CLMP: variants seen among roughly 807,000 people sequenced by gnomAD.
The protein encoded by CLMP is CXADR-like membrane protein.
CLMP carries 27 observed loss-of-function variants against 45.2 expected under a neutral mutation model. The observed-to-expected ratio is 0.60, with a 90% CI of 0.44 to 0.82. The LOEUF (loss-of-function observed/expected upper bound fraction) is 0.82. Among genes scored for constraint, CLMP ranks in the 40% least tolerant of loss-of-function variants. The pLI, the probability that CLMP is intolerant of heterozygous loss-of-function variation, is 0.00. For synonymous variants in CLMP, 167 were observed against 171.4 expected (o/e 0.97, Z 0.20); for missense variants, 403 against 448.4 (o/e 0.90, Z 0.91).
At chr11:123,150,439 GAAA>G (rs1861300008) in intron 1 of CLMP, among the ~76,000 whole-genome samples, 2 of 64,792 alleles carry the variant, frequency 3.1e-5, no homozygotes, top group African/African-American at 1.3e-4. Context: ...AAGAAAGAAA[GAAA>G]GAAAGAAAGA....
chr11:123,128,021 ATGAGACTC>A (rs1339412825), intron 1 of CLMP, among the ~76,000 whole-genome samples: 13 of 144,666 alleles, frequency 9.0e-5, no homozygotes, highest in Non-Finnish European at 2.0e-4. Flanking sequence ...TGGTGACAGA[ATGAGACTC>A]TGTCTCAAAA....
At chr11:123,118,256 A>G (rs1860743057) in intron 1 of CLMP, among the ~76,000 whole-genome samples, 1 of 152,044 alleles carries the variant, frequency 6.6e-6, no homozygotes, top group Non-Finnish European at 1.5e-5. Context: ...CAGCCTCCCA[A>G]GTAGCTGGGA....
chr11:123,091,249 C>T (rs941173434), intron 2 of CLMP, among the ~76,000 whole-genome samples: 1 of 152,112 alleles, frequency 6.6e-6, no homozygotes, highest in Non-Finnish European at 1.5e-5. Context: ...GGACCACAGG[C>T]GCATGCCACC....
In CLMP at chr11:123,185,547, G is replaced by A. The variant is rs766765956; in HGVS notation, c.28+9366C>T. Among the ~76,000 whole-genome samples, 6 of 152,210 alleles carry A rather than the reference G, an allele frequency of 3.9e-5. No homozygotes were observed. The East Asian group carries it at 5.8e-4, about 15-fold the overall frequency. Reference sequence around the variant, plus strand: ...AAGGAGGCTGCGGAGAGGTGGCCTCGTTTCCGGCCTCCCCTCCCTGGGGAT... The same window carrying A: ...AAGGAGGCTGCGGAGAGGTGGCCTCATTTCCGGCCTCCCCTCCCTGGGGAT... On this transcript the variant is annotated intron_variant, in intron 1 of 6. Coordinates refer to ENST00000448775, the MANE Select transcript of CLMP (RefSeq NM_024769.5).
Position 123,073,557 on chromosome 11 carries a change from T to G in CLMP, c.1039A>C (p.Lys347Gln). 6.2e-7 allele frequency: 1 copy of G among 1,614,226 alleles called. No homozygotes were observed. The highest frequency in any genetic ancestry group is 8.5e-7 in the Non-Finnish European group (1 of 1,180,034). Reference protein sequence around the residue: ...GPEVRGSEPKKVHHANLTKAE... With the variant: ...GPEVRGSEPKQVHHANLTKAE... ...TTGGTCAGATTAGCATGGTGGACTT[T>G]CTTTGGTTCAGAACCTCTCACCTCT... The change falls in exon 7 of 7, where the codon AAA becomes CAA. Residue 347 changes from lysine to glutamine, a missense_variant. Lys to Gln is a moderately conservative substitution (Grantham distance 53). Transcript: ENST00000448775.
Position 123,170,423 on chromosome 11 carries a change from G to A in CLMP, c.28+24490C>T, listed in dbSNP as rs192520921. On this transcript the variant is annotated intron_variant, in intron 1 of 6. Transcript: ENST00000448775. ...CCTCCTTTTGGCTAACTTAAGTGTTGTGTTGCACATGAAACCTGCTTTTTT... is the reference window on the plus strand; with the variant it reads ...CCTCCTTTTGGCTAACTTAAGTGTTATGTTGCACATGAAACCTGCTTTTTT... 5.4e-5 allele frequency among the ~76,000 whole-genome samples: 8 copies of A among 149,056 alleles called. No individual in the cohort carries two copies. In the East Asian group the frequency reaches 1.6e-3, roughly 30 times the overall value.
intron 1 of CLMP, among the ~76,000 whole-genome samples, chr11:123,153,442 G>A (rs1474617014): frequency 1.3e-5 from 2 of 152,196 alleles, no homozygotes; most frequent in African/African-American, 4.8e-5. Context: ...TTTGGCCCAA[G>A]TATGGAAAAG....
At chr11:123,151,568 C>T (rs1039089767) in intron 1 of CLMP, among the ~76,000 whole-genome samples, 20 of 152,150 alleles carry the variant, frequency 1.3e-4, no homozygotes, top group Non-Finnish European at 1.0e-4. Flanking sequence ...ACTTTTCCAG[C>T]GGAGGAACTC....
At chr11:123,177,950 C>A (rs1861720081) in intron 1 of CLMP, among the ~76,000 whole-genome samples, 2 of 152,152 alleles carry the variant, frequency 1.3e-5, no homozygotes, top group South Asian at 2.1e-4. Context: ...GCAACCTCCG[C>A]CTCCCGGGTT....
At chr11:123,143,812 A>ATTTT (rs60758870) in intron 1 of CLMP, among the ~76,000 whole-genome samples, 2 of 146,054 alleles carry the variant, frequency 1.4e-5, no homozygotes, top group African/African-American at 5.1e-5. Flanking sequence ...GTCTTGTGAG[A>ATTTT]TTTTTTTTTT....
chr11:123,141,828 G>A (rs1861163263), intron 1 of CLMP, among the ~76,000 whole-genome samples: 2 of 151,696 alleles, frequency 1.3e-5, no homozygotes, highest in East Asian at 1.9e-4. Context: ...TGCATATCTC[G>A]CCCCCCAAAA....
At chr11:123,118,999 T>TTC (rs1248549147) in intron 1 of CLMP, among the ~76,000 whole-genome samples, 6 of 14,150 alleles carry the variant, frequency 4.2e-4, no homozygotes, top group Admixed American at 9.6e-4. Context: ...CTTTCTTTCT[T>TTC]TCTCTCTCTC....
intron 1 of CLMP, among the ~76,000 whole-genome samples, chr11:123,149,819 C>CTTT (rs771164352): frequency 1.4e-5 from 2 of 145,712 alleles, no homozygotes; most frequent in African/African-American, 5.1e-5. Flanking sequence ...TTCTTTCTCT[C>CTTT]TTTTTTTTTT....
At chr11:123,108,981 C>T (rs886072977) in intron 1 of CLMP, among the ~76,000 whole-genome samples, 22 of 151,338 alleles carry the variant, frequency 1.5e-4, no homozygotes, top group Non-Finnish European at 2.2e-4. Context: ...ATCGCTTAAA[C>T]CCAGGAGGCG....
intron 1 of CLMP, among the ~76,000 whole-genome samples, chr11:123,188,580 T>G (rs558142014): frequency 2.6e-5 from 4 of 152,294 alleles, no homozygotes; most frequent in Non-Finnish European, 5.9e-5. Context: ...GGGACTATTC[T>G]GAAGATAGTT....
intron 2 of CLMP, among the ~76,000 whole-genome samples, chr11:123,087,063 C>T (rs530885051): frequency 2.0e-5 from 3 of 152,098 alleles, no homozygotes; most frequent in South Asian, 2.1e-4. Context: ...GGTGGCCTGA[C>T]GTGGTGGCTC....
intron 2 of CLMP, among the ~76,000 whole-genome samples, chr11:123,089,490 G>C (rs146175822): frequency 6.6e-6 from 1 of 151,382 alleles, no homozygotes; most frequent in Non-Finnish European, 1.5e-5. Context: ...AAATGACCAG[G>C]TGCAGTGGCT....
At chr11:123,192,138 A>C (rs1861916358) in intron 1 of CLMP, among the ~76,000 whole-genome samples, 1 of 152,180 alleles carries the variant, frequency 6.6e-6, no homozygotes, top group Admixed American at 6.5e-5. Context: ...AGAAAGAAGC[A>C]TGGGACATGT....
At chr11:123,092,549 G>T (rs1865944231) in intron 2 of CLMP, among the ~76,000 whole-genome samples, 1 of 152,110 alleles carries the variant, frequency 6.6e-6, no homozygotes, top group Non-Finnish European at 1.5e-5. Context: ...ACCCGCCTTG[G>T]CCTCCCAAAG....
Sources: gnomAD v4.1 joint callset for allele counts (sites outside exome capture counted in the v4.1 genomes callset) on GRCh38, gnomAD v4.1.1 for gene constraint, MANE v1.5 for transcripts, NCBI Gene and HGNC (gene_info 2026-07-23, HGNC 2026-07-21) for gene names.